NKAIN2: variants seen among roughly 807,000 people sequenced by gnomAD.
The protein encoded by NKAIN2 is sodium/potassium-transporting ATPase subunit beta-1-interacting protein 2.
In NKAIN2, 14 loss-of-function variants were observed where a neutral mutation model predicts 32.6. That is an observed-to-expected ratio of 0.43 (90% CI 0.28 to 0.67). The LOEUF is 0.67. NKAIN2 is among the 30% of genes least tolerant of loss of function. The pLI is 0.17. For synonymous variants in NKAIN2, 80 were observed against 87.2 expected, an observed-to-expected ratio of 0.92 and a Z score of 0.46; for missense variants, 198 against 258.3, an observed-to-expected ratio of 0.77 and a Z score of 1.60.
chr6:124,426,187 G>C (rs1050781855), intron 3 of NKAIN2, among the ~76,000 whole-genome samples: 1 of 152,062 alleles, frequency 6.6e-6, no homozygotes, highest in Non-Finnish European at 1.5e-5. Context: ...TTTCTTCTAC[G>C]GAAAGGTGTA....
At chr6:124,285,174 C>T (rs563908311) in intron 2 of NKAIN2, among the ~76,000 whole-genome samples, 59 of 152,260 alleles carry the variant, frequency 3.9e-4, no homozygotes, top group Non-Finnish European at 7.1e-4. Context: ...TTGGATTTTT[C>T]CCTGAGACAA....
At chr6:124,202,414 A>G (rs1790637148) in intron 1 of NKAIN2, among the ~76,000 whole-genome samples, 1 of 152,008 alleles carries the variant, frequency 6.6e-6, no homozygotes, top group Non-Finnish European at 1.5e-5. Context: ...TTAGGTGAGC[A>G]TATTAAGTAC....
At chr6:123,822,767 C>T (rs1247452311) in intron 1 of NKAIN2, among the ~76,000 whole-genome samples, 3 of 152,130 alleles carry the variant, frequency 2.0e-5, no homozygotes, top group African/African-American at 7.2e-5. Context: ...TCCAAAATTC[C>T]TGTAACTTTG....
At chr6:124,202,205 T>A (rs544004375) in intron 1 of NKAIN2, among the ~76,000 whole-genome samples, 94 of 152,052 alleles carry the variant, frequency 6.2e-4, no homozygotes, top group African/African-American at 2.2e-3. Flanking sequence ...TTCCTAAGAT[T>A]ACACATTAAG....
At chr6:124,335,873 T>G (rs1057272760) in intron 2 of NKAIN2, among the ~76,000 whole-genome samples, 21 of 152,194 alleles carry the variant, frequency 1.4e-4, no homozygotes, top group African/African-American at 5.1e-4. Context: ...TTTATCTATT[T>G]TTTTGTTTGC....
At chr6:124,073,729 A>G (rs1783561885) in intron 1 of NKAIN2, among the ~76,000 whole-genome samples, 1 of 152,274 alleles carries the variant, frequency 6.6e-6, no homozygotes, top group East Asian at 1.9e-4. Flanking sequence ...CCTCATGGCC[A>G]TAGGAGCCCT....
At chr6:124,443,425 C>A (rs9398754) in intron 3 of NKAIN2, among the ~76,000 whole-genome samples, 18 of 152,088 alleles carry the variant, frequency 1.2e-4, no homozygotes, top group Non-Finnish European at 2.1e-4. Flanking sequence ...TGTTTCTGAT[C>A]GCATATGACA....
chr6:124,206,769 G>T (rs928050977), intron 1 of NKAIN2, among the ~76,000 whole-genome samples: 5 of 151,522 alleles, frequency 3.3e-5, no homozygotes, highest in Non-Finnish European at 7.4e-5. Flanking sequence ...TACTTAGTTC[G>T]TATTTCTTTT....
chr6:124,024,421 G>A (rs1781011896), intron 1 of NKAIN2, among the ~76,000 whole-genome samples: 1 of 152,126 alleles, frequency 6.6e-6, no homozygotes, highest in Non-Finnish European at 1.5e-5. Context: ...CCACTGCTAA[G>A]TTGCACAGTC....
intron 1 of NKAIN2, among the ~76,000 whole-genome samples, chr6:124,110,495 C>T (rs570476988): frequency 5.3e-5 from 8 of 152,064 alleles, no homozygotes; most frequent in South Asian, 4.2e-4. Context: ...GTACAGATGA[C>T]CCTGTGTGAT....
At chr6:124,731,762 C>T (rs1194791765) in intron 4 of NKAIN2, among the ~76,000 whole-genome samples, 2 of 151,790 alleles carry the variant, frequency 1.3e-5, no homozygotes, top group Non-Finnish European at 2.9e-5. Context: ...TTATTTTATA[C>T]ACTTTATCAT....
chr6:124,396,464 A>G (rs898228144), intron 3 of NKAIN2, among the ~76,000 whole-genome samples: 1 of 151,756 alleles, frequency 6.6e-6, no homozygotes. Flanking sequence ...AAGAGATTCA[A>G]TGAGGCTTGG....
chr6:124,646,202 GAACT>G (rs1784160606), intron 3 of NKAIN2, among the ~76,000 whole-genome samples: 1 of 151,996 alleles, frequency 6.6e-6, no homozygotes, highest in African/African-American at 2.4e-5. Context: ...ATAATTCAGA[GAACT>G]AAGAAAACTT....
intron 3 of NKAIN2, among the ~76,000 whole-genome samples, chr6:124,510,403 G>C (rs1455239954): frequency 6.6e-6 from 1 of 152,054 alleles, no homozygotes; most frequent in East Asian, 1.9e-4. Flanking sequence ...AGAATCTGCT[G>C]TATGACATTT....
At chr6:124,353,749 C>T (rs1489087764) in intron 2 of NKAIN2, among the ~76,000 whole-genome samples, 7 of 138,382 alleles carry the variant, frequency 5.1e-5, no homozygotes, top group South Asian at 2.3e-4. Flanking sequence ...AGCGAGACTC[C>T]GTCTCAAAAA....
At chr6:124,516,563 G>A (rs561162905) in intron 3 of NKAIN2, among the ~76,000 whole-genome samples, 50 of 152,140 alleles carry the variant, frequency 3.3e-4, no homozygotes, top group African/African-American at 1.2e-3. Context: ...TGTGATTATT[G>A]TTATGTTATT....
chr6:124,327,753 TG>T (rs1797482860), intron 2 of NKAIN2, among the ~76,000 whole-genome samples: 1 of 152,162 alleles, frequency 6.6e-6, no homozygotes, highest in African/African-American at 2.4e-5. Context: ...AGGTATAAAG[TG>T]GTTGAAATAA....
chr6:124,509,953 A>G (rs1314819253), intron 3 of NKAIN2, among the ~76,000 whole-genome samples: 1 of 152,216 alleles, frequency 6.6e-6, no homozygotes, highest in African/African-American at 2.4e-5. Context: ...CCTTTCAGTC[A>G]GAAGAAATAT....
intron 1 of NKAIN2, among the ~76,000 whole-genome samples, chr6:124,260,331 A>G (rs990278840): frequency 2.6e-5 from 4 of 152,104 alleles, no homozygotes; most frequent in Admixed American, 2.6e-4. Context: ...GTTAAATGCA[A>G]ACGAGAAATA....
Sources: allele counts gnomAD v4.1 joint callset (sites outside exome capture counted in the v4.1 genomes callset), GRCh38; gene constraint gnomAD v4.1.1; transcripts MANE v1.5; gene names NCBI Gene and HGNC (gene_info 2026-07-23, HGNC 2026-07-21).